Variants in ASB14 observed in about 807,000 individuals in gnomAD.
The protein encoded by ASB14 is ankyrin repeat and SOCS box containing 14.
A neutral mutation model predicts 55.6 loss-of-function variants in ASB14; 63 were observed. The observed-to-expected ratio is 1.13, with a 90% CI of 0.92 to 1.40. The LOEUF (loss-of-function observed/expected upper bound fraction) is 1.40. Ranked by LOEUF, ASB14 falls within the 40% of genes most tolerant of loss-of-function variation. The pLI, the probability that ASB14 is intolerant of heterozygous loss-of-function variation, is 0.00. For missense variants in ASB14, 724 were observed against 710.4 expected (o/e 1.02, Z -0.22); for synonymous variants, 256 against 259.9 (o/e 0.98, Z 0.15).
At chr3:57,280,053 C>T (rs1048320014) in intron 7 of ASB14, among the ~76,000 whole-genome samples, 6 of 151,538 alleles carry the variant, frequency 4.0e-5, no homozygotes, top group African/African-American at 1.5e-4. Context: ...GCAGCCTGGT[C>T]CCCTAGCCCA....
In ASB14 at chr3:57,284,088, C is replaced by CTGTGTGTGTGTGTGTG. The variant is rs1181255575; in HGVS notation, c.470-650_470-649insCACACACACACACACA. ...AATAATAATAAAAGGCTTGGGAACA[C>CTGTGTGTGTGTGTGTG]TGTGTATGTGTGTGTGTGTGTGTGT... On this transcript the variant is annotated intron_variant, in intron 5 of 10. Coordinates refer to ENST00000487349, the MANE Select transcript of ASB14 (RefSeq NM_001142733.3). Among the ~76,000 whole-genome samples the CTGTGTGTGTGTGTGTG allele has an allele frequency of 7.3e-3, 303 of 41,280 alleles. 1 individual carries two copies. Among genetic ancestry groups the CTGTGTGTGTGTGTGTG allele is most frequent in the Middle Eastern group, 0.029 (2 of 70 alleles). The allele number at this position is 41,280 out of a possible 152,430, so 27.1% of individuals were successfully genotyped here.
chr3:57,289,173 T>C (rs571411525), intron 2 of ASB14, 50 bp from the exon 3 acceptor site: 10 of 1,232,682 alleles, frequency 8.1e-6, no homozygotes, highest in Non-Finnish European at 1.1e-5. Flanking sequence ...GAGAAAAAAC[T>C]GTTATCTGAT....
At chr3:57,279,088 A>G (rs1480193695) in intron 7 of ASB14, 168 bp from the exon 8 acceptor site, 2 of 646,648 alleles carry the variant, frequency 3.1e-6, no homozygotes, top group Non-Finnish European at 5.2e-6. Context: ...TCAGATACCA[A>G]GTAAAATTGA....
chr3:57,275,046 C>T (rs2060975387), intron 10 of ASB14, among the ~76,000 whole-genome samples: 1 of 152,192 alleles, frequency 6.6e-6, no homozygotes, highest in Non-Finnish European at 1.5e-5. Flanking sequence ...ACAGCAAACT[C>T]CTGAGTCATG....
At chr3:57,287,614 C>T (rs2107628689) in intron 5 of ASB14, among the ~76,000 whole-genome samples, 1 of 152,316 alleles carries the variant, frequency 6.6e-6, no homozygotes, top group South Asian at 2.1e-4. Flanking sequence ...CCCTTCACCC[C>T]TGCTCCATGA....
At chr3:57,269,895 A>G (rs1004575925) in intron 10 of ASB14, 1 of 456,310 alleles carries the variant, frequency 2.2e-6, no homozygotes, top group Non-Finnish European at 3.7e-6. Flanking sequence ...TGTACTATGT[A>G]TTAACATCTA....
At chr3:57,277,709 C>T (rs1029224867) in intron 9 of ASB14, 58 bp downstream of exon 9, 43 of 1,459,264 alleles carry the variant, frequency 2.9e-5, no homozygotes, top group Non-Finnish European at 3.5e-5. Context: ...CTAAAACAAC[C>T]AAATAAGAAT....
chr3:57,290,028 C>T (rs1373475201), intron 2 of ASB14, among the ~76,000 whole-genome samples: 7 of 152,128 alleles, frequency 4.6e-5, no homozygotes, highest in Admixed American at 4.6e-4. Flanking sequence ...ACAATTTGGT[C>T]AATTACATTA....
At chr3:57,286,384 C>T (rs1229643038) in intron 5 of ASB14, among the ~76,000 whole-genome samples, 1 of 144,404 alleles carries the variant, frequency 6.9e-6, no homozygotes, top group Non-Finnish European at 1.6e-5. Context: ...TCACATGTAT[C>T]CTTGAATTAT....
chr3:57,287,698 G>C (rs914403590), intron 5 of ASB14, among the ~76,000 whole-genome samples: 3 of 152,136 alleles, frequency 2.0e-5, no homozygotes, highest in Admixed American at 6.5e-5. Flanking sequence ...GAAATGAGCT[G>C]CTCTTAACTG....
Position 57,291,916 on chromosome 3 carries a change from C to T in ASB14, c.118G>A (p.Glu40Lys), listed in dbSNP as rs865841958. 1 of 1,533,378 alleles carries T rather than the reference C, an allele frequency of 6.5e-7. No individual in the cohort carries two copies. The highest frequency in any genetic ancestry group is 1.4e-5 in the African/African-American group (1 of 73,046). 95.0% of individuals were successfully genotyped at this position (1,533,378 alleles called of 1,614,324 possible). A position where few individuals can be genotyped will look rare whatever the true frequency, so the allele number is the denominator to read the frequency against. Residue 40 changes from glutamate to lysine, a missense_variant, in exon 2 of 11, where the codon GAG becomes AAG. By Grantham distance (56) the Glu-to-Lys change is moderately conservative (BLOSUM62 1). Coordinates refer to ENST00000487349, the MANE Select transcript of ASB14 (RefSeq NM_001142733.3). ...PGTAQHAPKD[E>K]SLHSFLSADY... ...TGCCGATGAGAAAACCATTACCTCT[C>T]ATCCTTAGGTGCATGTTGTGCTGTT...
Position 57,291,939 on chromosome 3 carries a change from G to A in ASB14, c.95C>T (p.Thr32Ile). Residue 32 changes from threonine to isoleucine, a missense_variant, in exon 2 of 11, where the codon ACA becomes ATA. By Grantham distance (89) the Thr-to-Ile change is moderately conservative (BLOSUM62 -1). Transcript: ENST00000487349. ...QSLQDIYKPG[T>I]AQHAPKDESL... ...CTCATCCTTAGGTGCATGTTGTGCTGTTCCTGGCTTATAAATATCCTGCAA... is the reference window on the plus strand; with the variant it reads ...CTCATCCTTAGGTGCATGTTGTGCTATTCCTGGCTTATAAATATCCTGCAA... 1 of 1,536,498 alleles carries A rather than the reference G, an allele frequency of 6.5e-7. No homozygotes were observed. Among genetic ancestry groups the A allele is most frequent in the South Asian group, 1.2e-5 (1 of 84,034 alleles).
rs1366700290 is a variant in ASB14, at chr3:57,280,289, A to C, written c.887+13T>G. 6.6e-7 allele frequency: 1 copy of C among 1,522,554 alleles called. No homozygotes were observed. Among genetic ancestry groups the C allele is most frequent in the African/African-American group, 1.4e-5 (1 of 72,250 alleles). The allele number at this position is 1,522,554 out of a possible 1,614,324, so 94.3% of individuals were successfully genotyped here. A position where few individuals can be genotyped will look rare whatever the true frequency, so the allele number is the denominator to read the frequency against. ...CTGTTTTTATTATTTATAATAATGT[A>C]ATTGAACTTAACAGTAAGTGGCCCC... On this transcript the variant is annotated intron_variant, in intron 7 of 10. Coordinates refer to ENST00000487349, the MANE Select transcript of ASB14 (RefSeq NM_001142733.3).
At chr3:57,289,814 A>T (rs138359202) in intron 2 of ASB14, among the ~76,000 whole-genome samples, 1,721 of 149,490 alleles carry the variant, frequency 0.012, 24 homozygotes, top group African/African-American at 0.04. Context: ...CGGCCGGCTA[A>T]TTTTTTGTAT....
In ASB14 at chr3:57,275,448, T is replaced by C. The variant is rs565785215; in HGVS notation, c.*22+1080A>G. 1.7e-3 allele frequency among the ~76,000 whole-genome samples: 152 copies of C among 87,416 alleles called. 1 individual carries two copies. Among genetic ancestry groups the C allele is most frequent in the African/African-American group, 0.01 (149 of 14,866 alleles). The allele number at this position is 87,416 out of a possible 152,430, so 57.3% of individuals were successfully genotyped here. On this transcript the variant is annotated intron_variant, in intron 10 of 10. Transcript: ENST00000487349. ...GTCTGGGTGACAGGACAAGACTCCA[T>C]CTCAAAAAAAAAAAAAAAAAAGTAT...
Position 57,279,264 on chromosome 3 carries a change from C to CTTTTT in ASB14, c.888-349_888-345dup, listed in dbSNP as rs869152915. Among the ~76,000 whole-genome samples, 38 of 88,074 alleles carry CTTTTT rather than the reference C, an allele frequency of 4.3e-4. 2 individuals carry two copies. Among genetic ancestry groups the CTTTTT allele is most frequent in the Non-Finnish European group, 5.3e-4 (24 of 45,546 alleles). 57.8% of individuals were successfully genotyped at this position (88,074 alleles called of 152,430 possible). ...TCTTCCTAGTTGGTCAAGAGTTTTTCTTTTTTTTTTTTTTTTTTTTTTTTT... is the reference window on the plus strand; with the variant it reads ...TCTTCCTAGTTGGTCAAGAGTTTTTCTTTTTTTTTTTTTTTTTTTTTTTTTTTTTT... On this transcript the variant is annotated intron_variant, in intron 7 of 10. Coordinates refer to ENST00000487349, the MANE Select transcript of ASB14 (RefSeq NM_001142733.3).
chr3:57,278,604 TC>T lies in ASB14; in HGVS notation c.1203del (p.Ile402SerfsTer5). On this transcript the variant is annotated frameshift_variant, in exon 8 of 11. Transcript: ENST00000487349. LOFTEE classifies it high-confidence loss of function. ...GCCCCATGCCTTAGCAGCAGACTGA[TC>T]AGCTCATAGTTGCCCATCCTGAGGG... ...QIALRMGNYE[L>X]ISLLLRHGAN... 2 of 1,614,216 alleles carry T rather than the reference TC, an allele frequency of 1.2e-6. No homozygotes were observed. The highest frequency in any genetic ancestry group is 1.7e-6 in the Non-Finnish European group (2 of 1,180,032).
chr3:57,287,981 AAG>A lies in ASB14; in HGVS notation c.387_388del (p.Leu130ArgfsTer16). The A allele has an allele frequency of 6.5e-7, 1 of 1,537,338 alleles. No individual in the cohort carries two copies. ...GAGAAGAAGAAAAGTGGCATTTTCT[AAG>A]AGGCAACTGCTGACAGCCAAAAAAA... On this transcript the variant is annotated frameshift_variant, in exon 5 of 11. Coordinates refer to ENST00000487349, the MANE Select transcript of ASB14 (RefSeq NM_001142733.3). LOFTEE classifies it high-confidence loss of function.
chr3:57,289,409 G>C (rs1005776695), intron 2 of ASB14, among the ~76,000 whole-genome samples: 1 of 152,188 alleles, frequency 6.6e-6, no homozygotes, highest in African/African-American at 2.4e-5. Flanking sequence ...CCCTTAATCA[G>C]CGTTGGCTGA....
Sources: gnomAD v4.1 joint callset for allele counts (sites outside exome capture counted in the v4.1 genomes callset) on GRCh38, gnomAD v4.1.1 for gene constraint, MANE v1.5 for transcripts, NCBI Gene and HGNC (gene_info 2026-07-23, HGNC 2026-07-21) for gene names.